The following FGGY variants were observed in gnomAD, a reference collection of about 807,000 sequenced individuals.
FGGY encodes FGGY carbohydrate kinase domain-containing protein.
Under a neutral mutation model 71.3 loss-of-function variants are expected in FGGY, and 72 were observed. That is an observed-to-expected ratio of 1.01 (90% CI 0.84 to 1.23). The LOEUF (loss-of-function observed/expected upper bound fraction) is 1.23. Among genes scored for constraint, FGGY ranks in the 50% most tolerant of loss-of-function variants. The pLI is 0.00. For missense variants in FGGY, 668 were observed against 682.3 expected (o/e 0.98, Z 0.23); for synonymous variants, 251 against 250.3 (o/e 1.00, Z -0.02).
chr1:59,435,069 A>G (rs2068145871), intron 5 of FGGY, among the ~76,000 whole-genome samples: 2 of 152,210 alleles, frequency 1.3e-5, no homozygotes, highest in South Asian at 4.1e-4. Context: ...TAGACAGGAA[A>G]TTAGTGAGAC....
intron 6 of FGGY, among the ~76,000 whole-genome samples, chr1:59,474,451 A>G (rs538620285): frequency 6.6e-6 from 1 of 152,262 alleles, no homozygotes; most frequent in Non-Finnish European, 1.5e-5. Flanking sequence ...TAATGACAGA[A>G]ATGAGACCAG....
chr1:59,589,083 G>A (rs2096373365), intron 8 of FGGY, among the ~76,000 whole-genome samples: 1 of 152,114 alleles, frequency 6.6e-6, no homozygotes, highest in African/African-American at 2.4e-5. Flanking sequence ...CAAAATAAAA[G>A]GATGGAGGAA....
chr1:59,737,877 G>C (rs1461404065), intron 14 of FGGY, among the ~76,000 whole-genome samples: 5 of 152,192 alleles, frequency 3.3e-5, no homozygotes, highest in African/African-American at 1.2e-4. Context: ...TGGTTTGACT[G>C]TGTTCCCACC....
intron 6 of FGGY, chr1:59,474,246 C>G (rs1389349152): frequency 1.3e-5 from 2 of 152,164 alleles, no homozygotes; most frequent in Admixed American, 6.5e-5. Context: ...TTCCTCCTTT[C>G]AATACGGCAT....
At chr1:59,707,107 T>C (rs946975676) in intron 14 of FGGY, among the ~76,000 whole-genome samples, 2 of 152,030 alleles carry the variant, frequency 1.3e-5, no homozygotes, top group African/African-American at 4.8e-5. Flanking sequence ...CAGGCCAAAA[T>C]GATTGAGGGA....
intron 4 of FGGY, among the ~76,000 whole-genome samples, chr1:59,365,887 A>G (rs568424680): frequency 6.6e-6 from 1 of 152,322 alleles, no homozygotes; most frequent in South Asian, 2.1e-4. Flanking sequence ...GATGCTAGGA[A>G]TGTGGCTTTG....
chr1:59,588,828 G>A (rs932090628), intron 8 of FGGY, among the ~76,000 whole-genome samples: 2 of 152,136 alleles, frequency 1.3e-5, no homozygotes, highest in Non-Finnish European at 2.9e-5. Context: ...CCAGCCACTG[G>A]AAAATCATGC....
intron 8 of FGGY, among the ~76,000 whole-genome samples, chr1:59,574,495 A>G (rs1416639139): frequency 6.6e-6 from 1 of 151,892 alleles, no homozygotes; most frequent in Non-Finnish European, 1.5e-5. Flanking sequence ...CATAGGTTCC[A>G]GGGATTTGAA....
intron 5 of FGGY, among the ~76,000 whole-genome samples, chr1:59,423,115 A>T (rs572719931): frequency 1.3e-5 from 2 of 152,280 alleles, no homozygotes; most frequent in South Asian, 4.1e-4. Context: ...AGATCAGGAA[A>T]CTGGACCAAT....
At chr1:59,706,012 T>C (rs1237631320) in intron 14 of FGGY, among the ~76,000 whole-genome samples, 1 of 152,194 alleles carries the variant, frequency 6.6e-6, no homozygotes, top group African/African-American at 2.4e-5. Context: ...CATTGCTCAA[T>C]GCTGGAAAAT....
intron 5 of FGGY, among the ~76,000 whole-genome samples, chr1:59,407,790 C>T (rs573479799): frequency 6.6e-6 from 1 of 152,222 alleles, no homozygotes; most frequent in South Asian, 2.1e-4. Context: ...ATGGCTGCAC[C>T]CCCTGAAGTG....
At chr1:59,721,711 C>G (rs934775699) in intron 14 of FGGY, among the ~76,000 whole-genome samples, 1 of 151,582 alleles carries the variant, frequency 6.6e-6, no homozygotes, top group Admixed American at 6.6e-5. Context: ...ATGGTGCGTT[C>G]GTTACAATTA....
At chr1:59,371,413 C>T (rs2057606134) in intron 4 of FGGY, among the ~76,000 whole-genome samples, 1 of 152,096 alleles carries the variant, frequency 6.6e-6, no homozygotes, top group African/African-American at 2.4e-5. Flanking sequence ...AAAGCAAGTC[C>T]TTAGAGAACT....
chr1:59,562,746 A>G (rs1278588837), intron 8 of FGGY, among the ~76,000 whole-genome samples: 3 of 152,224 alleles, frequency 2.0e-5, no homozygotes, highest in Non-Finnish European at 2.9e-5. Flanking sequence ...GAATCATGAA[A>G]TGGGCACAAC....
chr1:59,412,805 T>C (rs931757665), intron 5 of FGGY, among the ~76,000 whole-genome samples: 2 of 152,026 alleles, frequency 1.3e-5, no homozygotes, highest in African/African-American at 4.8e-5. Context: ...TTTAAGAAAA[T>C]GCAACAGGGA....
intron 8 of FGGY, among the ~76,000 whole-genome samples, chr1:59,583,126 A>G (rs2153751696): frequency 7.0e-6 from 1 of 143,220 alleles, no homozygotes; most frequent in Non-Finnish European, 1.5e-5. Flanking sequence ...CACTGCCACT[A>G]AGGAAAAATA....
At chr1:59,307,313 CAAAA>C (rs398049311) in intron 1 of FGGY, among the ~76,000 whole-genome samples, 1 of 67,362 alleles carries the variant, frequency 1.5e-5, no homozygotes, top group African/African-American at 5.7e-5. Context: ...GACCCTGTCT[CAAAA>C]AAAAAAAAAA....
At chr1:59,637,419 G>A (rs144165246) in intron 10 of FGGY, among the ~76,000 whole-genome samples, 5,626 of 152,164 alleles carry the variant, frequency 0.037, 208 homozygotes, top group African/African-American at 0.098. Flanking sequence ...GATCACCTGA[G>A]GTCAGGGGTT....
At chr1:59,472,322 C>T (rs1273108249) in intron 6 of FGGY, among the ~76,000 whole-genome samples, 3 of 152,312 alleles carry the variant, frequency 2.0e-5, no homozygotes, top group East Asian at 1.9e-4. Flanking sequence ...TGCCTTCCCG[C>T]GGGGCAGGGC....
Sources: gnomAD v4.1 joint callset for allele counts (sites outside exome capture counted in the v4.1 genomes callset) on GRCh38, gnomAD v4.1.1 for gene constraint, MANE v1.5 for transcripts, NCBI Gene and HGNC (gene_info 2026-07-23, HGNC 2026-07-21) for gene names.